HMCN2: variants seen among roughly 807,000 people sequenced by gnomAD.
HMCN2 encodes hemicentin-2.
In HMCN2, 325 loss-of-function variants were observed where a neutral mutation model predicts 377.5. That is an observed-to-expected ratio of 0.86 (90% CI 0.79 to 0.94). The LOEUF (loss-of-function observed/expected upper bound fraction) is 0.94. Ranked by LOEUF, HMCN2 falls within the 40% of genes least tolerant of loss-of-function variation. The pLI is 0.00. For synonymous variants in HMCN2, 2,007 were observed against 2,046.8 expected (o/e 0.98, Z 0.53); for missense variants, 4,543 against 4,725.3 (o/e 0.96, Z 1.13).
intron 95 of HMCN2, chr9:130,431,066 G>A (rs1001065396): frequency 5.9e-6 from 3 of 506,476 alleles, no homozygotes; most frequent in Non-Finnish European, 1.1e-5. Flanking sequence ...CAAAGAGGAG[G>A]TGGCCTGCCC....
At position 130,405,052 on chromosome 9, in the gene HMCN2, A is replaced by G; in HGVS notation, c.12332A>G (p.Asn4111Ser). Reference sequence around the variant, plus strand: ...CCTTCTGGGGAGTTGCTGGTGAAGAACTTGGAGGTGAGGCACTGCCCCAAG... The same window carrying G: ...CCTTCTGGGGAGTTGCTGGTGAAGAGCTTGGAGGTGAGGCACTGCCCCAAG... ...IQPSGELLVKNLEGQDAGTYT... is the reference protein window; with the variant it reads ...IQPSGELLVKSLEGQDAGTYT... The change falls in exon 81 of 98, where the codon AAC (asparagine) becomes AGC (serine). Residue 4111 changes from asparagine (N) to serine (S), a missense_variant. By Grantham distance (46) the Asn-to-Ser change is conservative. Coordinates refer to ENST00000683500, the MANE Select transcript of HMCN2 (RefSeq NM_001291815.2). The G allele has an allele frequency of 7.8e-7, 1 of 1,285,498 alleles. No homozygotes were observed. Among genetic ancestry groups the G allele is most frequent in the East Asian group, 5.6e-5 (1 of 17,976 alleles). 79.6% of individuals were successfully genotyped at this position (1,285,498 alleles called of 1,614,324 possible). A position where few individuals can be genotyped will look rare whatever the true frequency, so the allele number is the denominator to read the frequency against.
At position 130,302,860 on chromosome 9, in the gene HMCN2, C is replaced by T. The variant is rs976644627; in HGVS notation, c.1280C>T (p.Ala427Val). 1 of 463,842 alleles carries T rather than the reference C, an allele frequency of 2.2e-6. No individual in the cohort carries two copies. The highest frequency in any genetic ancestry group is 4.5e-6 in the Non-Finnish European group (1 of 222,898). The allele number at this position is 463,842 out of a possible 1,614,324, so 28.7% of individuals were successfully genotyped here. A position where few individuals can be genotyped will look rare whatever the true frequency, so the allele number is the denominator to read the frequency against. ...GAGTCCTGGTCCCCGCCTACAGGCG[C>T]TCCCCTCGTCAGCATGGCCCCCAGG... is the stretch of plus-strand genomic sequence containing the variant. Reference protein sequence around the residue: ...GVSYSGVAPGAPLVSMAPRIH... With the variant: ...GVSYSGVAPGVPLVSMAPRIH... Residue 427 changes from alanine to valine, a missense_variant, in exon 9 of 98, where the codon GCT becomes GTT. This residue lies in a region of HMCN2 where 547 missense variants were observed against 189.9 expected (regional missense o/e 2.88). Coordinates refer to ENST00000683500, the MANE Select transcript of HMCN2 (RefSeq NM_001291815.2).
intron 15 of HMCN2, among the ~76,000 whole-genome samples, chr9:130,310,350 G>C (rs1554938674): frequency 1.3e-5 from 2 of 152,234 alleles, no homozygotes; most frequent in East Asian, 3.9e-4. Context: ...TCTGGCTCAG[G>C]GTCCATCCTG....
intron 46 of HMCN2, among the ~76,000 whole-genome samples, chr9:130,371,381 A>G (rs1489208247): frequency 1.3e-5 from 2 of 149,576 alleles, no homozygotes; most frequent in African/African-American, 4.9e-5. Flanking sequence ...CACAATGAAC[A>G]TTTGCATAGC....
At chr9:130,310,197 G>C (rs1837165996) in intron 15 of HMCN2, 136 bp downstream of exon 15, 1 of 260,916 alleles carries the variant, frequency 3.8e-6, no homozygotes, top group Non-Finnish European at 8.0e-6. Flanking sequence ...TGAGCATGTG[G>C]GGACAGGGGA....
chr9:130,398,976 G>C (rs1184841542), intron 75 of HMCN2, among the ~76,000 whole-genome samples: 1 of 152,086 alleles, frequency 6.6e-6, no homozygotes, highest in African/African-American at 2.4e-5. Context: ...ACATGAACTG[G>C]GTGTGGTAGC....
At chr9:130,316,851 G>A (rs925808674) in intron 15 of HMCN2, among the ~76,000 whole-genome samples, 2 of 152,224 alleles carry the variant, frequency 1.3e-5, no homozygotes, top group African/African-American at 2.4e-5. Context: ...CTGGGAATCC[G>A]GCCTCTCCCC....
rs143753649 is a variant in HMCN2 at position 130,306,409 on chromosome 9, T to A, written c.1958+139T>A. On this transcript the variant is annotated intron_variant, in intron 12 of 97. Coordinates refer to ENST00000683500, the MANE Select transcript of HMCN2 (RefSeq NM_001291815.2). ...CCTTGCTCCTGGGATCATTTGAGAC[T>A]CCAGAGTGAGATCACTTTGGAAACA... is the stretch of plus-strand genomic sequence containing the variant. The A allele has an allele frequency of 2.6e-3, 986 of 386,564 alleles. 8 individuals carry two copies. The highest frequency in any genetic ancestry group is 0.019 in the African/African-American group (911 of 47,802). The allele number at this position is 386,564 out of a possible 1,614,324, so 23.9% of individuals were successfully genotyped here.
chr9:130,355,923 G>A (rs1840001978), intron 33 of HMCN2, 69 bp downstream of exon 33: 5 of 1,046,594 alleles, frequency 4.8e-6, no homozygotes, highest in South Asian at 1.4e-5. Context: ...GATTGTGGGG[G>A]GAAGTGGACA....
chr9:130,353,086 C>A lies in HMCN2; in HGVS notation c.4745C>A (p.Thr1582Asn). ...LLPTSTKVVY[T>N]RGGRQLQLGR... ...CCCACCAGCACCAAGGTGGTCTACACTAGGGGCGGTCGGCAGTTGCAGCTG... is the reference window on the plus strand; with the variant it reads ...CCCACCAGCACCAAGGTGGTCTACAATAGGGGCGGTCGGCAGTTGCAGCTG... Residue 1582 changes from threonine to asparagine, a missense_variant, in exon 31 of 98, where the codon ACT becomes AAT. By Grantham distance (65) the Thr-to-Asn change is moderately conservative (BLOSUM62 0). Coordinates refer to ENST00000683500, the MANE Select transcript of HMCN2 (RefSeq NM_001291815.2). 1.5e-6 allele frequency: 2 copies of A among 1,304,244 alleles called. No individual in the cohort carries two copies. The highest frequency in any genetic ancestry group is 2.0e-6 in the Non-Finnish European group (2 of 988,932). 80.8% of individuals were successfully genotyped at this position (1,304,244 alleles called of 1,614,324 possible).
chr9:130,278,006 C>CCAT lies in HMCN2; in HGVS notation c.260-6588_260-6586dup, dbSNP rs1230074087. On this transcript the variant is annotated intron_variant, in intron 1 of 97. Coordinates refer to ENST00000683500, the MANE Select transcript of HMCN2 (RefSeq NM_001291815.2). ...ACCACCACGATCATCACCACCACCACCATCATCATCACCACCACCACGATC... is the reference window on the plus strand; with the variant it reads ...ACCACCACGATCATCACCACCACCACCATCATCATCATCACCACCACCACGATC... 8.8e-4 allele frequency among the ~76,000 whole-genome samples: 34 copies of CCAT among 38,718 alleles called. 7 individuals are homozygous for CCAT. Among genetic ancestry groups the CCAT allele is most frequent in the Admixed American group, 6.6e-3 (25 of 3,766 alleles). The allele number at this position is 38,718 out of a possible 152,430, so 25.4% of individuals were successfully genotyped here. A position where few individuals can be genotyped will look rare whatever the true frequency, so the allele number is the denominator to read the frequency against.
chr9:130,377,726 C>T lies in HMCN2; in HGVS notation c.8139C>T (p.Asp2713=). 1.0e-6 allele frequency: 1 copy of T among 985,916 alleles called. No homozygotes were observed. Among genetic ancestry groups the T allele is most frequent in the Non-Finnish European group, 1.2e-6 (1 of 829,956 alleles). The allele number at this position is 985,916 out of a possible 1,614,324, so 61.1% of individuals were successfully genotyped here. ...AGATCCAGCCCACACAGGTCTCAGA[C>T]TCGGGGCGGTACCTGTGTGTGGCCA... is the stretch of plus-strand genomic sequence containing the variant. The part of the protein sequence containing the change: ...LLQIQPTQVS[D]SGRYLCVATN... Residue 2713 remains aspartate, a synonymous_variant, in exon 53 of 98, where the codon GAC becomes GAT. Coordinates refer to ENST00000683500, the MANE Select transcript of HMCN2 (RefSeq NM_001291815.2).
In HMCN2 at chr9:130,308,067, G is replaced by A. The variant is rs183655400; in HGVS notation, c.2200+501G>A. On this transcript the variant is annotated intron_variant, in intron 14 of 97. Transcript: ENST00000683500. The surrounding 1 kb of genome is among the most constrained non-coding windows in gnomAD (Gnocchi z 4.1). Reference sequence around the variant, plus strand: ...CACCTCCTGGGTTCAAGGGATTCTCGTGCCTCAGCCTCTGGAGTAGCTGGA... The same window carrying A: ...CACCTCCTGGGTTCAAGGGATTCTCATGCCTCAGCCTCTGGAGTAGCTGGA... Among the ~76,000 whole-genome samples, 4 of 152,102 alleles carry A rather than the reference G, an allele frequency of 2.6e-5. No homozygotes were observed. Among genetic ancestry groups the A allele is most frequent in the Admixed American group, 1.3e-4 (2 of 15,290 alleles).
intron 22 of HMCN2, among the ~76,000 whole-genome samples, chr9:130,334,558 T>TTG (rs1838611252): frequency 1.3e-5 from 2 of 150,658 alleles, no homozygotes; most frequent in South Asian, 4.2e-4. Context: ...AGTTTTTTTT[T>TTG]TTTTTTTTTT....
intron 73 of HMCN2, 22 bp downstream of exon 73, chr9:130,396,335 C>T (rs1316196087): frequency 1.6e-6 from 2 of 1,254,250 alleles, no homozygotes; most frequent in Non-Finnish European, 2.1e-6. Flanking sequence ...AAGGGGTGGG[C>T]CTCAGGGAGG....
At chr9:130,280,150 G>T (rs7853559) in intron 1 of HMCN2, among the ~76,000 whole-genome samples, 1,487 of 49,646 alleles carry the variant, frequency 0.03, 6 homozygotes, top group East Asian at 0.29. Flanking sequence ...GTGTGTGTGT[G>T]TTTTTTTTTT....
chr9:130,409,522 AT>A (rs906043111), intron 84 of HMCN2, among the ~76,000 whole-genome samples: 2 of 152,200 alleles, frequency 1.3e-5, no homozygotes, highest in African/African-American at 4.8e-5. Flanking sequence ...GATCTCACCC[AT>A]TTGGGAGCCT....
chr9:130,268,179 T>C (rs556705303), intron 1 of HMCN2, among the ~76,000 whole-genome samples: 64 of 152,262 alleles, frequency 4.2e-4, no homozygotes, highest in African/African-American at 1.5e-3. Context: ...CCTGAGACTG[T>C]CCTCGCTGCC....
rs920822792 is a variant in HMCN2, at chr9:130,429,487, A to T, written c.14198-70A>T. ...GGAGGAGGCCCAGATATGGAGGGGG[A>T]TGGTCCGTCCCTTGGGGGAGGGGCC... On this transcript the variant is annotated intron_variant, in intron 93 of 97. Coordinates refer to ENST00000683500, the MANE Select transcript of HMCN2 (RefSeq NM_001291815.2). 3.6e-5 allele frequency: 55 copies of T among 1,530,028 alleles called. No homozygotes were observed. In the African/African-American group the frequency reaches 7.3e-4, roughly 20 times the overall value. The allele number at this position is 1,530,028 out of a possible 1,614,324, so 94.8% of individuals were successfully genotyped here.
Sources: gnomAD v4.1 joint callset for allele counts (sites outside exome capture counted in the v4.1 genomes callset) on GRCh38, gnomAD v4.1.1 for gene constraint, gnomAD v4.1.1 regional missense constraint, Gnocchi (gnomAD v3.1) non-coding constraint, MANE v1.5 for transcripts, NCBI Gene and HGNC (gene_info 2026-07-23, HGNC 2026-07-21) for gene names.